The following THBS2 variants were observed in gnomAD, a reference collection of about 807,000 sequenced individuals.
THBS2 encodes thrombospondin-2.
In THBS2, 47 loss-of-function variants were observed where a neutral mutation model predicts 135.2. The ratio of observed to expected loss-of-function variants is 0.35; its 90% confidence interval spans 0.28 to 0.44. The LOEUF is 0.44. Among genes scored for constraint, THBS2 ranks in the 20% least tolerant of loss-of-function variants. The pLI, the probability that THBS2 is intolerant of heterozygous loss-of-function variation, is 1.00. For missense variants in THBS2, 1,288 were observed against 1,603.1 expected, an observed-to-expected ratio of 0.80 and a Z score of 3.36; for synonymous variants, 639 against 633.8, an observed-to-expected ratio of 1.01 and a Z score of -0.12.
chr6:169,223,183 TGCATCTTCTGTGG>T, intron 18 of THBS2, 52 bp downstream of exon 18: 1 of 1,472,370 alleles, frequency 6.8e-7, no homozygotes, highest in Non-Finnish European at 9.3e-7. Flanking sequence ...AAGTGCAGTC[TGCATCTTCTGTGG>T]GCGCCTCCCC....
Position 169,218,040 on chromosome 6 carries a change from A to AGATG in THBS2, c.3512-215_3512-212dup, listed in dbSNP as rs143110525. Among the ~76,000 whole-genome samples, 15 of 91,402 alleles carry AGATG rather than the reference A, an allele frequency of 1.6e-4. No homozygotes were observed. The South Asian group carries it at 3.5e-3, about 21-fold the overall frequency. 60.0% of individuals were successfully genotyped at this position (91,402 alleles called of 152,430 possible). On this transcript the variant is annotated intron_variant, in intron 21 of 21. Coordinates refer to ENST00000617924, the MANE Select transcript of THBS2 (RefSeq NM_003247.5). ...AGATGGGTCGGTGGGTGGGTGGATG[A>AGATG]GATGGATGGATGGATGGATGGATGA...
At chr6:169,243,063 A>C (rs200392662) in intron 4 of THBS2, among the ~76,000 whole-genome samples, 121 of 16,456 alleles carry the variant, frequency 7.4e-3, no homozygotes, top group Admixed American at 0.01. Flanking sequence ...CCTTCCCACC[A>C]CTCCCACCTT....
At position 169,240,541 on chromosome 6, in the gene THBS2, T is replaced by C. The variant is rs151159917; in HGVS notation, c.943A>G (p.Arg315Gly). ...WELIGGPPKTRNMSACWQDGR... is the reference protein window; with the variant it reads ...WELIGGPPKTGNMSACWQDGR... ...TCCTGCCAGCAAGCTGACATGTTCCTTGTCTTAGGAGGGCCACCAATGAGC... is the reference window on the plus strand; with the variant it reads ...TCCTGCCAGCAAGCTGACATGTTCCCTGTCTTAGGAGGGCCACCAATGAGC... The change falls in exon 6 of 22, where the codon AGG becomes GGG. Residue 315 changes from arginine to glycine, a missense_variant. By Grantham distance (125) the Arg-to-Gly change is moderately radical. This residue lies in a region of THBS2 where 414 missense variants were observed against 447.0 expected (regional missense o/e 0.93). Transcript: ENST00000617924. 1.2e-4 allele frequency: 192 copies of C among 1,614,046 alleles called. 1 individual carries two copies. The highest frequency in any genetic ancestry group is 6.0e-4 in the Admixed American group (36 of 60,018).
At chr6:169,229,449 T>C in intron 14 of THBS2, 123 bp downstream of exon 14, 1 of 751,916 alleles carries the variant, frequency 1.3e-6, no homozygotes, top group Non-Finnish European at 2.2e-6. Context: ...GAACTGCCTA[T>C]GCACAAACGC....
At chr6:169,238,664 T>G (rs1430325116) in intron 7 of THBS2, among the ~76,000 whole-genome samples, 1 of 152,236 alleles carries the variant, frequency 6.6e-6, no homozygotes, top group Non-Finnish European at 1.5e-5. Flanking sequence ...ATTTTCTGCA[T>G]GTTACAGGCA....
chr6:169,237,012 G>C (rs566998748), intron 9 of THBS2, among the ~76,000 whole-genome samples, 158 bp downstream of exon 9: 132 of 152,350 alleles, frequency 8.7e-4, no homozygotes, highest in Non-Finnish European at 1.6e-3. Context: ...GTTCATTACC[G>C]AGCCAGGCCC....
At chr6:169,233,873 C>G (rs531223410) in intron 10 of THBS2, among the ~76,000 whole-genome samples, 113 of 150,536 alleles carry the variant, frequency 7.5e-4, no homozygotes, top group African/African-American at 2.6e-3. Context: ...CTATACCACA[C>G]AACTACCTAC....
intron 4 of THBS2, among the ~76,000 whole-genome samples, chr6:169,243,661 T>C (rs1204810670): frequency 6.6e-6 from 1 of 152,180 alleles, no homozygotes; most frequent in East Asian, 1.9e-4. Flanking sequence ...CCACCCTGAG[T>C]GGATTTTACC....
Position 169,241,586 on chromosome 6 carries a change from C to T in THBS2, c.891+176G>A, listed in dbSNP as rs982303788. ...TCTACCCAACTTCCCTCTAACAATGCTGAATATTGAGCAAGGATCCTGAGG... is the reference window on the plus strand; with the variant it reads ...TCTACCCAACTTCCCTCTAACAATGTTGAATATTGAGCAAGGATCCTGAGG... On this transcript the variant is annotated intron_variant, in intron 5 of 21. Coordinates refer to ENST00000617924, the MANE Select transcript of THBS2 (RefSeq NM_003247.5). The surrounding 1 kb of genome is among the most constrained non-coding windows in gnomAD (Gnocchi z 5.5). Among the ~76,000 whole-genome samples the T allele has an allele frequency of 6.6e-6, 1 of 152,098 alleles. No individual in the cohort carries two copies. The highest frequency in any genetic ancestry group is 1.5e-5 in the Non-Finnish European group (1 of 68,008).
intron 6 of THBS2, 61 bp from the exon 7 acceptor site, chr6:169,239,756 G>A: frequency 1.5e-6 from 2 of 1,299,320 alleles, no homozygotes; most frequent in Non-Finnish European, 2.2e-6. Flanking sequence ...GCTGGTACAA[G>A]GGCTGAGACT....
In THBS2 at chr6:169,220,114, G is replaced by T. The variant is rs1779369123; in HGVS notation, c.3511+84C>A. The stretch of plus-strand genomic sequence containing the variant: ...TTTATTGCCCTGATGTACAGCTTTT[G>T]TAAGTGGAAGAGCGCACTGTGTACC... On this transcript the variant is annotated intron_variant, in intron 21 of 21. Coordinates refer to ENST00000617924, the MANE Select transcript of THBS2 (RefSeq NM_003247.5). 3 of 1,517,544 alleles carry T rather than the reference G, an allele frequency of 2.0e-6. No individual in the cohort carries two copies. The African/African-American group carries it at 4.1e-5, about 21-fold the overall frequency. The allele number at this position is 1,517,544 out of a possible 1,614,324, so 94.0% of individuals were successfully genotyped here. A position where few individuals can be genotyped will look rare whatever the true frequency, so the allele number is the denominator to read the frequency against.
intron 21 of THBS2, chr6:169,219,923 A>G (rs1779363938): frequency 5.1e-6 from 3 of 591,574 alleles, no homozygotes; most frequent in Non-Finnish European, 3.1e-6. Context: ...GAAATCTAGG[A>G]AACTCTAGGC....
chr6:169,222,817 G>GA (rs112288720), intron 18 of THBS2, among the ~76,000 whole-genome samples: 9 of 126,860 alleles, frequency 7.1e-5, no homozygotes, highest in South Asian at 5.6e-4. Context: ...AGAAAAAAAA[G>GA]AAAAAAAAAA....
At position 169,228,227 on chromosome 6, in the gene THBS2, C is replaced by G; in HGVS notation, c.2314G>C (p.Val772Leu). ...GGGCAGTTGTCACAGCGGTCCCCAA[C>G]CTCATCCTTGTCATAGTCAGCCTGG... ...PRQADYDKDEVGDRCDNCPYV... is the reference protein window; with the variant it reads ...PRQADYDKDELGDRCDNCPYV... Residue 772 changes from valine (V) to leucine (L), a missense_variant, in exon 15 of 22, where the codon GTT becomes CTT. This residue lies in a region of THBS2 where 874 missense variants were observed against 1,156.1 expected (regional missense o/e 0.76). Transcript: ENST00000617924. The G allele has an allele frequency of 6.2e-7, 1 of 1,614,230 alleles. No individual in the cohort carries two copies. The highest frequency in any genetic ancestry group is 8.5e-7 in the Non-Finnish European group (1 of 1,180,048).
chr6:169,248,493 G>A lies in THBS2; in HGVS notation c.533C>T (p.Pro178Leu), dbSNP rs138653414. The A allele has an allele frequency of 5.0e-6, 8 of 1,613,882 alleles. No individual in the cohort carries two copies. The African/African-American group carries it at 1.1e-4, about 22-fold the overall frequency. The change falls in exon 3 of 22, where the codon CCC becomes CTC. Residue 178 changes from proline to leucine, a missense_variant. Physicochemically the swap from Pro to Leu is moderately conservative, Grantham distance 98. Around this residue, in one of 2 missense-constraint regions of THBS2, gnomAD observed 414 missense variants for 447.0 expected, o/e 0.93. Coordinates refer to ENST00000617924, the MANE Select transcript of THBS2 (RefSeq NM_003247.5). Reference protein sequence around the residue: ...DLIDSFALDEPFYEHLQAEKS... With the variant: ...DLIDSFALDELFYEHLQAEKS... ...TTCCGCCTGCAGGTGCTCGTAGAAGGGCTCGTCCAGAGCGAAGCTGTCTAT... is the reference window on the plus strand; with the variant it reads ...TTCCGCCTGCAGGTGCTCGTAGAAGAGCTCGTCCAGAGCGAAGCTGTCTAT...
chr6:169,234,546 T>C, intron 10 of THBS2, 188 bp downstream of exon 10: 2 of 621,338 alleles, frequency 3.2e-6, no homozygotes, highest in Non-Finnish European at 5.2e-6. Flanking sequence ...CCACCTGGCA[T>C]CTTTTTTGTT....
intron 3 of THBS2, 124 bp from the exon 4 acceptor site, chr6:169,246,405 G>A (rs999584556): frequency 1.2e-5 from 9 of 781,072 alleles, no homozygotes; most frequent in African/African-American, 1.7e-5. Context: ...TTCCTTCTAC[G>A]TAGCAGGTTT....
intron 2 of THBS2, among the ~76,000 whole-genome samples, chr6:169,249,325 G>C (rs1020813280): frequency 6.6e-6 from 1 of 152,184 alleles, no homozygotes; most frequent in Non-Finnish European, 1.5e-5. Context: ...TTCTTGGTGA[G>C]GGAATCCCGG....
In THBS2 at chr6:169,216,711, A is replaced by C. The variant is rs1019708117; in HGVS notation, c.*1111T>G. 6.6e-6 allele frequency: 1 copy of C among 152,178 alleles called. No individual in the cohort carries two copies. The highest frequency in any genetic ancestry group is 1.5e-5 in the Non-Finnish European group (1 of 68,040). 9.4% of individuals were successfully genotyped at this position (152,178 alleles called of 1,614,324 possible). A position where few individuals can be genotyped will look rare whatever the true frequency, so the allele number is the denominator to read the frequency against. ...TTATCAAGCCTCATATTTTCACAGG[A>C]TTATATACTTATTAGATGTTTGTTT... On this transcript the variant is annotated 3_prime_UTR_variant, in exon 22 of 22. Transcript: ENST00000617924.
Sources: allele counts gnomAD v4.1 joint callset (sites outside exome capture counted in the v4.1 genomes callset), GRCh38; gene constraint gnomAD v4.1.1; regional missense constraint gnomAD v4.1.1; non-coding constraint Gnocchi (gnomAD v3.1); transcripts MANE v1.5; gene names NCBI Gene and HGNC (gene_info 2026-07-23, HGNC 2026-07-21).